MTREX: variants seen among roughly 807,000 people sequenced by gnomAD.
The protein encoded by MTREX is exosome RNA helicase MTR4.
A neutral mutation model predicts 135.4 loss-of-function variants in MTREX; 76 were observed. The ratio of observed to expected loss-of-function variants is 0.56; its 90% CI spans 0.47 to 0.68. The LOEUF (loss-of-function observed/expected upper bound fraction) is 0.68. Ranked by LOEUF, MTREX falls within the 30% of genes least tolerant of loss-of-function variation. The pLI is 0.00. For synonymous variants in MTREX, 404 were observed against 401.6 expected, an observed-to-expected ratio of 1.01 and a Z score of -0.07; for missense variants, 920 against 1,262.1, an observed-to-expected ratio of 0.73 and a Z score of 4.11.
chr5:55,334,353 T>C (rs1343741279), intron 5 of MTREX, among the ~76,000 whole-genome samples: 1 of 152,074 alleles, frequency 6.6e-6, no homozygotes, highest in Non-Finnish European at 1.5e-5. Context: ...AAAGTAAACC[T>C]GATGAAGTAC....
At position 55,327,698 on chromosome 5, in the gene MTREX, T is replaced by C; in HGVS notation, c.340-18T>C. On this transcript the variant is annotated intron_variant, in intron 3 of 26. Coordinates refer to ENST00000230640, the MANE Select transcript of MTREX (RefSeq NM_015360.5). ...AATAGTTGGTGAGGTTTTTTTTTCT[T>C]TTTTACTTTGTTGTCAGGTTGCACT... 1 of 1,604,702 alleles carries C rather than the reference T, an allele frequency of 6.2e-7. No individual in the cohort carries two copies. The highest frequency in any genetic ancestry group is 8.5e-7 in the Non-Finnish European group (1 of 1,174,188).
At chr5:55,316,866 T>C (rs1749206853) in intron 1 of MTREX, among the ~76,000 whole-genome samples, 1 of 152,180 alleles carries the variant, frequency 6.6e-6, no homozygotes, top group Non-Finnish European at 1.5e-5. Context: ...CATAATTCTA[T>C]ATGTAGGAAA....
chr5:55,424,613 G>A (rs879046818), intron 26 of MTREX, 107 bp from the exon 27 acceptor site: 25 of 723,492 alleles, frequency 3.5e-5, no homozygotes, highest in African/African-American at 1.2e-4. Context: ...TAGGCTGCTC[G>A]CTTACCAGTT....
At chr5:55,404,966 C>G (rs1417507509) in intron 21 of MTREX, among the ~76,000 whole-genome samples, 2 of 151,840 alleles carry the variant, frequency 1.3e-5, no homozygotes, top group African/African-American at 4.8e-5. Context: ...CGCCACCATG[C>G]CCAGCTGATT....
intron 7 of MTREX, among the ~76,000 whole-genome samples, chr5:55,342,275 T>A (rs1749663913): frequency 6.6e-6 from 1 of 152,224 alleles, no homozygotes; most frequent in Non-Finnish European, 1.5e-5. Flanking sequence ...TACAGCTCTT[T>A]AATAGTAACT....
intron 14 of MTREX, among the ~76,000 whole-genome samples, chr5:55,355,950 G>A (rs929689882): frequency 1.3e-5 from 2 of 152,230 alleles, no homozygotes; most frequent in African/African-American, 2.4e-5. Flanking sequence ...CTGCTGCCCC[G>A]ACTTGTTCTG....
In MTREX at chr5:55,373,047, AT is replaced by A. The variant is rs113177192; in HGVS notation, c.1811-5259del. ...CTTAGAAATAGGCCTTAGAAATTAG[AT>A]TTTTTTTAACCTAGTTTTGTTTATT... On this transcript the variant is annotated intron_variant, in intron 16 of 26. Transcript: ENST00000230640. Among the ~76,000 whole-genome samples, 11 of 149,916 alleles carry A rather than the reference AT, an allele frequency of 7.3e-5. No individual in the cohort carries two copies. In the East Asian group the frequency reaches 1.6e-3, roughly 21 times the overall value.
chr5:55,372,480 G>T (rs376966712), intron 16 of MTREX, among the ~76,000 whole-genome samples: 1 of 142,640 alleles, frequency 7.0e-6, no homozygotes, highest in African/African-American at 2.8e-5. Context: ...AGTATATTCT[G>T]TGTCTTTCAT....
In MTREX at chr5:55,425,320, C is replaced by G. The variant is rs143095107; in HGVS notation, c.*548C>G. On this transcript the variant is annotated 3_prime_UTR_variant, in exon 27 of 27. Coordinates refer to ENST00000230640, the MANE Select transcript of MTREX (RefSeq NM_015360.5). Reference sequence around the variant, plus strand: ...AAGAAGTTCTTTCTTTGAAGAAATCCGATACATATACAGCCTACAGTGCAA... The same window carrying G: ...AAGAAGTTCTTTCTTTGAAGAAATCGGATACATATACAGCCTACAGTGCAA... 6.2e-7 allele frequency: 1 copy of G among 1,603,072 alleles called. No homozygotes were observed. The highest frequency in any genetic ancestry group is 1.1e-5 in the South Asian group (1 of 90,688).
intron 17 of MTREX, 66 bp downstream of exon 17, chr5:55,378,552 T>G: frequency 6.9e-7 from 1 of 1,459,246 alleles, no homozygotes; most frequent in Non-Finnish European, 9.2e-7. Context: ...TTGTTAAAGA[T>G]TCTAATTTAT....
chr5:55,336,152 A>G (rs947618585), intron 5 of MTREX, among the ~76,000 whole-genome samples: 6 of 152,150 alleles, frequency 3.9e-5, no homozygotes, highest in African/African-American at 1.2e-4. Context: ...TGTACATTCC[A>G]TAAGACTTTC....
chr5:55,372,091 A>G (rs1750212134), intron 16 of MTREX, among the ~76,000 whole-genome samples: 1 of 152,116 alleles, frequency 6.6e-6, no homozygotes, highest in South Asian at 2.1e-4. Flanking sequence ...TACAAATAGA[A>G]TGTTATATGT....
chr5:55,358,395 CAT>C (rs1317337570), intron 14 of MTREX, among the ~76,000 whole-genome samples, 176 bp from the exon 15 acceptor site: 7 of 152,242 alleles, frequency 4.6e-5, no homozygotes, highest in South Asian at 4.1e-4. Context: ...ATTATTCTCA[CAT>C]GTTTTGCATT....
intron 19 of MTREX, among the ~76,000 whole-genome samples, 158 bp from the exon 20 acceptor site, chr5:55,397,258 T>G (rs547871112): frequency 4.5e-4 from 69 of 152,214 alleles, no homozygotes; most frequent in Non-Finnish European, 7.2e-4. Context: ...AAGAAAAGCT[T>G]CAGTGTGGGA....
chr5:55,338,791 T>C (rs891740515), intron 5 of MTREX, among the ~76,000 whole-genome samples: 13 of 138,028 alleles, frequency 9.4e-5, no homozygotes, highest in South Asian at 4.8e-4. Context: ...TTTTTCTTTT[T>C]TTTTTTTTTT....
At chr5:55,345,860 G>A (rs955468487) in intron 10 of MTREX, among the ~76,000 whole-genome samples, 1 of 151,874 alleles carries the variant, frequency 6.6e-6, no homozygotes, top group Non-Finnish European at 1.5e-5. Flanking sequence ...TAGAGACGGG[G>A]TTTCACTGTG....
intron 1 of MTREX, 99 bp downstream of exon 1, chr5:55,308,246 A>AT: frequency 7.2e-7 from 1 of 1,391,788 alleles, no homozygotes; most frequent in Non-Finnish European, 9.6e-7. Flanking sequence ...TGAAGTGTAC[A>AT]TTGAGTGGCG....
At chr5:55,312,880 C>CACTTTCAGTGCTAA in intron 1 of MTREX, among the ~76,000 whole-genome samples, 1 of 152,272 alleles carries the variant, frequency 6.6e-6, no homozygotes, top group East Asian at 1.9e-4. Context: ...ACTCACTATA[C>CACTTTCAGTGCTAA]ACTTTCAGTG....
chr5:55,359,933 A>G (rs1749981157), intron 15 of MTREX, among the ~76,000 whole-genome samples: 1 of 152,204 alleles, frequency 6.6e-6, no homozygotes, highest in South Asian at 2.1e-4. Flanking sequence ...TAACTTTTCT[A>G]ATAGACTTAT....
Sources: gnomAD v4.1 joint callset for allele counts (sites outside exome capture counted in the v4.1 genomes callset) on GRCh38, gnomAD v4.1.1 for gene constraint, MANE v1.5 for transcripts, NCBI Gene and HGNC (gene_info 2026-07-23, HGNC 2026-07-21) for gene names.